Variants in ZRANB1 observed in about 807,000 individuals in gnomAD.
ZRANB1 encodes ubiquitin thioesterase ZRANB1.
Under a neutral mutation model 80.5 loss-of-function variants are expected in ZRANB1, and 16 were observed. That is an observed-to-expected ratio of 0.20 (90% confidence interval 0.13 to 0.30). ZRANB1 has a LOEUF of 0.30. ZRANB1 is among the 10% of genes least tolerant of loss of function. The pLI is 1.00. For synonymous variants in ZRANB1, 291 were observed against 293.1 expected (o/e 0.99, Z 0.07); for missense variants, 576 against 862.6 (o/e 0.67, Z 4.16).
intron 1 of ZRANB1, among the ~76,000 whole-genome samples, chr10:124,963,348 G>A (rs957400946): frequency 3.3e-5 from 5 of 150,024 alleles, no homozygotes; most frequent in Non-Finnish European, 4.4e-5. Context: ...ACATGTATAT[G>A]TTGATTATCT....
At chr10:124,941,194 C>T (rs926282141), upstream of ZRANB1, among the ~76,000 whole-genome samples, 1 of 33,062 alleles carries the variant, frequency 3.0e-5, no homozygotes, top group Admixed American at 3.2e-4. Context: ...TAAATTCAAG[C>T]CATTAAAAAA....
At chr10:124,929,532 G>T in the ZRANB1 span, among the ~76,000 whole-genome samples, 2 of 151,610 alleles carry the variant, frequency 1.3e-5, no homozygotes, top group African/African-American at 2.4e-5. Context: ...TAGAGACGGG[G>T]TTTCACCATG....
In ZRANB1 at chr10:124,985,524, T is replaced by C. The variant is rs3845; in HGVS notation, c.*532T>C. 95,813 of 152,554 alleles carry C rather than the reference T, an allele frequency of 0.63. 32,276 individuals carry two copies. Among genetic ancestry groups the C allele is most frequent in the Middle Eastern group, 0.75 (220 of 292 alleles). 9.5% of individuals were successfully genotyped at this position (152,554 alleles called of 1,614,324 possible). Reference sequence around the variant, plus strand: ...CAAAAATAAGCTTTTATTTTATTAATAATTTCGTTCCTCTTGTGCCCAATC... The same window carrying C: ...CAAAAATAAGCTTTTATTTTATTAACAATTTCGTTCCTCTTGTGCCCAATC... On this transcript the variant is annotated 3_prime_UTR_variant, in exon 9 of 9. Transcript: ENST00000359653.
intron 1 of ZRANB1, among the ~76,000 whole-genome samples, chr10:124,951,779 A>G (rs1951640890): frequency 6.6e-6 from 1 of 152,042 alleles, no homozygotes; most frequent in African/African-American, 2.4e-5. Flanking sequence ...CAACATGGTG[A>G]AACCTCGTCT....
intron 2 of ZRANB1, among the ~76,000 whole-genome samples, chr10:124,970,696 GAGA>G (rs569865267): frequency 3.9e-5 from 6 of 152,234 alleles, no homozygotes; most frequent in East Asian, 3.9e-4. Context: ...CTTACTCTTT[GAGA>G]AGAAGAAGAA....
chr10:124,922,536 A>G, the ZRANB1 span, among the ~76,000 whole-genome samples: 3 of 145,988 alleles, frequency 2.1e-5, no homozygotes, highest in Admixed American at 6.9e-5. Context: ...CCTGTTACCC[A>G]GGCTGGAGTA....
chr10:124,977,515 G>A (rs914675882), intron 5 of ZRANB1, among the ~76,000 whole-genome samples: 1 of 151,680 alleles, frequency 6.6e-6, no homozygotes, highest in South Asian at 2.1e-4. Context: ...TTCAAGACAA[G>A]CCTTGGCAAC....
chr10:124,957,446 G>C (rs951378769), intron 1 of ZRANB1, among the ~76,000 whole-genome samples: 1 of 152,010 alleles, frequency 6.6e-6, no homozygotes, highest in African/African-American at 2.4e-5. Flanking sequence ...CTCATTAAGT[G>C]TATATTATTA....
the ZRANB1 span, among the ~76,000 whole-genome samples, chr10:124,919,692 A>G: frequency 5.8e-5 from 8 of 137,316 alleles, no homozygotes; most frequent in Non-Finnish European, 9.3e-5. Context: ...GCTCACTGCA[A>G]CCTCCGCCTT....
chr10:124,949,428 T>TATAC (rs1951613670), intron 1 of ZRANB1, among the ~76,000 whole-genome samples: 1 of 136,302 alleles, frequency 7.3e-6, no homozygotes, highest in African/African-American at 2.6e-5. Context: ...TATATGTATA[T>TATAC]ATATATGTTT....
At chr10:124,981,485 A>T in intron 5 of ZRANB1, 1 of 351,556 alleles carries the variant, frequency 2.8e-6, no homozygotes, top group Non-Finnish European at 5.0e-6. Context: ...GGTTGTCGGT[A>T]AATCAAATTC....
intron 1 of ZRANB1, among the ~76,000 whole-genome samples, chr10:124,955,094 A>G (rs1589844730): frequency 6.6e-6 from 1 of 151,170 alleles, no homozygotes; most frequent in South Asian, 2.1e-4. Flanking sequence ...GCGCCACTGC[A>G]CTCCAGCCTG....
At chr10:124,944,492 C>T (rs796159154) in intron 1 of ZRANB1, among the ~76,000 whole-genome samples, 4 of 106,140 alleles carry the variant, frequency 3.8e-5, no homozygotes, top group East Asian at 4.0e-4. Context: ...ATTCCCCCCC[C>T]CCCCCCGCCC....
chr10:124,917,479 T>C, the ZRANB1 span, among the ~76,000 whole-genome samples: 5 of 151,876 alleles, frequency 3.3e-5, no homozygotes, highest in Admixed American at 6.6e-5. Context: ...GCCCGGGGGC[T>C]GTGGGAGGGC....
chr10:124,927,552 T>C, the ZRANB1 span, among the ~76,000 whole-genome samples: 1 of 152,208 alleles, frequency 6.6e-6, no homozygotes, highest in African/African-American at 2.4e-5. Context: ...TAACTAAACT[T>C]TTTGTGGAAT....
upstream of ZRANB1, among the ~76,000 whole-genome samples, chr10:124,938,839 T>G (rs1951510630): frequency 6.6e-6 from 1 of 152,076 alleles, no homozygotes; most frequent in South Asian, 2.1e-4. Flanking sequence ...CCTGAGTAGC[T>G]GGGACTATAG....
the ZRANB1 span, among the ~76,000 whole-genome samples, chr10:124,923,329 C>T: frequency 6.7e-6 from 1 of 150,060 alleles, no homozygotes; most frequent in African/African-American, 2.5e-5. Context: ...TGCTGTGGCT[C>T]ATACCTGTAA....
At chr10:124,977,935 A>G (rs1951893828) in intron 5 of ZRANB1, among the ~76,000 whole-genome samples, 1 of 152,122 alleles carries the variant, frequency 6.6e-6, no homozygotes, top group Non-Finnish European at 1.5e-5. Flanking sequence ...CAGGTGTCCC[A>G]GAACAGCATG....
Position 124,983,094 on chromosome 10 carries a change from G to T in ZRANB1, c.1549-81G>T. ...AAACCAACTGCGATAGTATACTGAA[G>T]GGGAGGTAGTATTGTTTTTTACACA... On this transcript the variant is annotated intron_variant, in intron 6 of 8. Transcript: ENST00000359653. The surrounding 1 kb of genome is among the most constrained non-coding windows in gnomAD (Gnocchi z 6.2). The T allele has an allele frequency of 7.0e-7, 1 of 1,430,232 alleles. No individual in the cohort carries two copies. Among genetic ancestry groups the T allele is most frequent in the South Asian group, 1.4e-5 (1 of 71,342 alleles). 88.6% of individuals were successfully genotyped at this position (1,430,232 alleles called of 1,614,324 possible).
Sources: allele counts gnomAD v4.1 joint callset (sites outside exome capture counted in the v4.1 genomes callset), GRCh38; gene constraint gnomAD v4.1.1; non-coding constraint Gnocchi (gnomAD v3.1); transcripts MANE v1.5; gene names NCBI Gene and HGNC (gene_info 2026-07-23, HGNC 2026-07-21).